Variants in ZNG1E observed in about 807,000 individuals in gnomAD.
ZNG1E encodes the protein zinc-regulated GTPase metalloprotein activator 1E.
chr9:65,687,546 TG>T, the ZNG1E span, among the ~76,000 whole-genome samples: 2 of 152,370 alleles, frequency 1.3e-5, no homozygotes, highest in East Asian at 3.9e-4. Flanking sequence ...AGTGTTTGAT[TG>T]GCTGGATTTC....
chr9:65,661,771 G>A, the ZNG1E span, among the ~76,000 whole-genome samples: 4 of 152,224 alleles, frequency 2.6e-5, no homozygotes, highest in Admixed American at 6.5e-5. Flanking sequence ...GAGATTAATT[G>A]TACACAGACA....
the ZNG1E span, among the ~76,000 whole-genome samples, chr9:65,689,735 GA>G: frequency 6.8e-6 from 1 of 146,386 alleles, no homozygotes; most frequent in African/African-American, 2.5e-5. Context: ...TTTACTGAGT[GA>G]AAAAATTCAT....
the ZNG1E span, among the ~76,000 whole-genome samples, chr9:65,721,220 C>T: frequency 1.4e-5 from 2 of 140,990 alleles, no homozygotes; most frequent in Admixed American, 1.4e-4. Context: ...ATGCTTTTGC[C>T]TTGCATTAGT....
At chr9:65,660,907 A>C in the ZNG1E span, among the ~76,000 whole-genome samples, 1 of 146,318 alleles carries the variant, frequency 6.8e-6, no homozygotes, top group Admixed American at 6.9e-5. Flanking sequence ...AGTGTCCAAC[A>C]GGGCTAGATA....
At chr9:65,675,244 C>G in the ZNG1E span, among the ~76,000 whole-genome samples, 1 of 152,276 alleles carries the variant, frequency 6.6e-6, no homozygotes, top group African/African-American at 2.4e-5. Context: ...AAGGAGTTCA[C>G]TATAAATTTA....
At chr9:65,691,615 T>C in the ZNG1E span, among the ~76,000 whole-genome samples, 1 of 152,262 alleles carries the variant, frequency 6.6e-6, no homozygotes, top group Admixed American at 6.5e-5. Flanking sequence ...GTTTTCTGTA[T>C]CCTCTGTTGT....
At chr9:65,658,122 G>A in the ZNG1E span, among the ~76,000 whole-genome samples, 2 of 127,138 alleles carry the variant, frequency 1.6e-5, no homozygotes, top group African/African-American at 6.3e-5. Context: ...AAAAACTTAT[G>A]TTCCCCATAA....
chr9:65,721,082 G>A, the ZNG1E span, among the ~76,000 whole-genome samples: 1 of 149,568 alleles, frequency 6.7e-6, no homozygotes, highest in Non-Finnish European at 1.5e-5. Flanking sequence ...AAGAATCATA[G>A]GGATGAAAAG....
chr9:65,663,210 G>A, the ZNG1E span, among the ~76,000 whole-genome samples: 168 of 152,252 alleles, frequency 1.1e-3, no homozygotes, highest in African/African-American at 3.7e-3. Flanking sequence ...TAACTTTGCA[G>A]TTTTTATTTA....
chr9:65,710,018 G>C, the ZNG1E span, among the ~76,000 whole-genome samples: 1 of 147,098 alleles, frequency 6.8e-6, no homozygotes, highest in Non-Finnish European at 1.5e-5. Flanking sequence ...AGCACGTGTT[G>C]TTTCCTGACT....
chr9:65,667,171 C>G, the ZNG1E span, among the ~76,000 whole-genome samples: 1 of 152,236 alleles, frequency 6.6e-6, no homozygotes, highest in African/African-American at 2.4e-5. Context: ...ACTTTAGGCA[C>G]AAACCAGCAC....
chr9:65,686,559 C>T, the ZNG1E span, among the ~76,000 whole-genome samples: 1 of 151,968 alleles, frequency 6.6e-6, no homozygotes, highest in East Asian at 1.9e-4. Flanking sequence ...TGGCTTGAAC[C>T]CGGGAGGCGG....
chr9:65,703,742 G>C, the ZNG1E span: 1 of 963,700 alleles, frequency 1.0e-6, no homozygotes, highest in Non-Finnish European at 1.2e-6. Flanking sequence ...GTACAGCAGA[G>C]GCCTTAGATG....
chr9:65,717,537 A>G, the ZNG1E span, among the ~76,000 whole-genome samples: 1 of 149,792 alleles, frequency 6.7e-6, no homozygotes, highest in African/African-American at 2.5e-5. Context: ...CTAGTTAGCC[A>G]TGATCCCTTT....
chr9:65,697,236 TC>T, the ZNG1E span, among the ~76,000 whole-genome samples: 2 of 71,000 alleles, frequency 2.8e-5, no homozygotes, highest in African/African-American at 9.7e-5. Flanking sequence ...AATGATCATC[TC>T]CCCATGAATT....
chr9:65,721,032 A>G, the ZNG1E span, among the ~76,000 whole-genome samples: 1 of 150,684 alleles, frequency 6.6e-6, no homozygotes, highest in African/African-American at 2.5e-5. Flanking sequence ...ATAGTTGAAC[A>G]TGAAGCACAT....
chr9:65,688,067 T>G, the ZNG1E span, among the ~76,000 whole-genome samples: 1 of 151,656 alleles, frequency 6.6e-6, no homozygotes, highest in African/African-American at 2.4e-5. Context: ...TGATGTGTCT[T>G]TTACCTTTGC....
chr9:65,702,373 A>G, the ZNG1E span, among the ~76,000 whole-genome samples: 2 of 151,592 alleles, frequency 1.3e-5, no homozygotes, highest in African/African-American at 4.9e-5. Flanking sequence ...TTTTGGTGCC[A>G]TACAAAGCCA....
chr9:65,678,676 A>G, the ZNG1E span, among the ~76,000 whole-genome samples: 1 of 127,014 alleles, frequency 7.9e-6, no homozygotes, highest in African/African-American at 3.2e-5. Context: ...AGATTGACAT[A>G]TTGGGTTTCA....
Sources: allele counts gnomAD v4.1 joint callset (sites outside exome capture counted in the v4.1 genomes callset), GRCh38; gene constraint gnomAD v4.1.1; transcripts MANE v1.5; gene names NCBI Gene and HGNC (gene_info 2026-07-23, HGNC 2026-07-21).